ABLIM2: variants seen among roughly 807,000 people sequenced by gnomAD.
ABLIM2 encodes actin-binding LIM protein 2.
ABLIM2 carries 53 observed loss-of-function variants against 97.7 expected under a neutral mutation model. The ratio of observed to expected loss-of-function variants is 0.54; its 90% CI spans 0.44 to 0.68. The LOEUF is 0.68. Ranked by LOEUF, ABLIM2 falls within the 30% of genes least tolerant of loss-of-function variation. The pLI is 0.00. For synonymous variants in ABLIM2, 361 were observed against 345.8 expected (o/e 1.04, Z -0.49); for missense variants, 835 against 867.2 (o/e 0.96, Z 0.47).
At chr4:8,066,107 C>G (rs1807057218) in intron 6 of ABLIM2, among the ~76,000 whole-genome samples, 1 of 150,120 alleles carries the variant, frequency 6.7e-6, no homozygotes, top group Non-Finnish European at 1.5e-5. Context: ...GGAGACCATC[C>G]TGGCTAACAC....
intron 20 of ABLIM2, among the ~76,000 whole-genome samples, chr4:7,974,284 T>G (rs1245492179): frequency 7.4e-6 from 1 of 135,572 alleles, no homozygotes; most frequent in Non-Finnish European, 1.6e-5. Flanking sequence ...TCCACCCACC[T>G]GCCCACCTAC....
At chr4:8,106,375 G>T in intron 2 of ABLIM2, 119 bp downstream of exon 2, 1 of 1,341,796 alleles carries the variant, frequency 7.5e-7, no homozygotes, top group Non-Finnish European at 1.0e-6. Flanking sequence ...TTCTGTATCT[G>T]GAGTGTTCTC....
chr4:7,991,955 C>G (rs539833602), intron 17 of ABLIM2, among the ~76,000 whole-genome samples: 1 of 152,158 alleles, frequency 6.6e-6, no homozygotes, highest in African/African-American at 2.4e-5. Flanking sequence ...GCTGCTCCAG[C>G]GCAACAAAGA....
rs777818454 is a variant in ABLIM2 at position 8,009,063 on chromosome 4, T to A, written c.1463A>T (p.Gln488Leu). The A allele has an allele frequency of 1.2e-6, 2 of 1,613,918 alleles. No individual in the cohort carries two copies. The highest frequency in any genetic ancestry group is 1.7e-6 in the Non-Finnish European group (2 of 1,179,898). ...CCCTGGCATTACCTTCCTGTTATCC[T>A]GGTCCAAGCTTCCATCCTCCCCATC... ...RSDGEDGSLD[Q>L]DNRKQKSSWL... is the part of the protein sequence containing the mutation. The change falls in exon 15 of 21, where the codon CAG (glutamine) becomes CTG (leucine). Residue 488 changes from glutamine (Q) to leucine (L), a missense_variant. Transcript: ENST00000447017.
intron 1 of ABLIM2, among the ~76,000 whole-genome samples, chr4:8,146,364 G>C (rs910467337): frequency 2.0e-5 from 3 of 152,134 alleles, no homozygotes; most frequent in African/African-American, 4.8e-5. Context: ...CGTCACAACT[G>C]ATTTAACACA....
intron 20 of ABLIM2, 123 bp from the exon 21 acceptor site, chr4:7,967,226 G>T: frequency 1.3e-6 from 1 of 787,682 alleles, no homozygotes; most frequent in Non-Finnish European, 2.2e-6. Flanking sequence ...GTGGCCCTCA[G>T]CGTGCTCGGC....
intron 17 of ABLIM2, among the ~76,000 whole-genome samples, chr4:7,990,257 C>T (rs568195752): frequency 2.6e-5 from 4 of 152,070 alleles, no homozygotes; most frequent in East Asian, 3.9e-4. Flanking sequence ...TGGAGTGCAG[C>T]GGCATAATAG....
intron 14 of ABLIM2, among the ~76,000 whole-genome samples, chr4:8,016,917 C>G (rs956959370): frequency 1.3e-5 from 2 of 152,222 alleles, no homozygotes; most frequent in African/African-American, 4.8e-5. Context: ...TCTTCGGGTG[C>G]ATATATGGCT....
intron 1 of ABLIM2, among the ~76,000 whole-genome samples, chr4:8,114,516 C>T (rs1033259701): frequency 1.3e-5 from 2 of 152,186 alleles, no homozygotes; most frequent in Non-Finnish European, 2.9e-5. Flanking sequence ...CCTACTGCCC[C>T]GCCCAAGTGT....
At chr4:8,101,878 G>A (rs1454224916) in intron 2 of ABLIM2, among the ~76,000 whole-genome samples, 2 of 152,174 alleles carry the variant, frequency 1.3e-5, no homozygotes. Flanking sequence ...TTTATGTTCT[G>A]CATGTATTCC....
Position 8,020,285 on chromosome 4 carries a change from C to T in ABLIM2, c.1286G>A (p.Ser429Asn). 6.2e-7 allele frequency: 1 copy of T among 1,613,620 alleles called. No homozygotes were observed. The highest frequency in any genetic ancestry group is 8.5e-7 in the Non-Finnish European group (1 of 1,179,822). ...AGAGAGCACGGAGAGGCTGGGGGTG[C>T]TCCGGCCACTTTCACTGCCTCCAGA... The part of the protein sequence containing the change: ...PYFRGSESGR[S>N]TPSLSVLSDS... The change falls in exon 13 of 21, where the codon AGC becomes AAC. Residue 429 changes from serine to asparagine, a missense_variant. Physicochemically the swap from Ser to Asn is conservative, Grantham distance 46. Transcript: ENST00000447017.
Position 8,128,848 on chromosome 4 carries a change from G to A in ABLIM2, c.11-22211C>T, listed in dbSNP as rs183610108. On this transcript the variant is annotated intron_variant, in intron 1 of 20. Transcript: ENST00000447017. The surrounding 1 kb of genome is among the most constrained non-coding windows in gnomAD (Gnocchi z 4.9). ...CGCTCTTTCTACCACATGAGGGTGC[G>A]AGGAAAAGGCGGCTGTCTGCAGCTC... Among the ~76,000 whole-genome samples the A allele has an allele frequency of 4.6e-5, 7 of 152,300 alleles. No homozygotes were observed. Among genetic ancestry groups the A allele is most frequent in the South Asian group, 4.2e-4 (2 of 4,804 alleles).
In ABLIM2 at chr4:7,983,311, G is replaced by A; in HGVS notation, c.1777C>T (p.Arg593Ter). ...TCTTTGGGCAGTTTCACGCGAATTC[G>A]GTTTGTGACGATGAGGGAGTCATAC... ...YPYDSLIVTN[R>*]IRVKLPKDVD... Residue 593 changes from arginine (R) to a stop codon, truncating the protein, a stop_gained, in exon 20 of 21, where the codon CGA (arginine) becomes TGA (stop). Coordinates refer to ENST00000447017, the MANE Select transcript of ABLIM2 (RefSeq NM_001130083.2). LOFTEE classifies it high-confidence loss of function. 4 of 1,612,576 alleles carry A rather than the reference G, an allele frequency of 2.5e-6. No individual in the cohort carries two copies. The highest frequency in any genetic ancestry group is 3.4e-6 in the Non-Finnish European group (4 of 1,179,544).
In ABLIM2 at chr4:8,127,463, A is replaced by G. The variant is rs1157290999; in HGVS notation, c.11-20826T>C. 6 of 1,276,928 alleles carry G rather than the reference A, an allele frequency of 4.7e-6. No homozygotes were observed. The highest frequency in any genetic ancestry group is 2.3e-5 in the Admixed American group (1 of 43,266). 79.1% of individuals were successfully genotyped at this position (1,276,928 alleles called of 1,614,324 possible). A position where few individuals can be genotyped will look rare whatever the true frequency, so the allele number is the denominator to read the frequency against. On this transcript the variant is annotated intron_variant, in intron 1 of 20. Transcript: ENST00000447017. The surrounding 1 kb of genome is among the most constrained non-coding windows in gnomAD (Gnocchi z 7.3). ...CCTGAAGCTGATTCATGGAGCTCACAGCTCCCAGTCCCCTGAAGCTGACTC... is the reference window on the plus strand; with the variant it reads ...CCTGAAGCTGATTCATGGAGCTCACGGCTCCCAGTCCCCTGAAGCTGACTC...
At chr4:7,975,092 C>T (rs951894998) in intron 20 of ABLIM2, among the ~76,000 whole-genome samples, 6 of 152,052 alleles carry the variant, frequency 3.9e-5, no homozygotes, top group Non-Finnish European at 8.8e-5. Context: ...GTGGCACATG[C>T]CTGTAGTCCC....
Position 7,966,869 on chromosome 4 carries a change from C to A in ABLIM2, c.*121G>T. On this transcript the variant is annotated 3_prime_UTR_variant, in exon 21 of 21. Coordinates refer to ENST00000447017, the MANE Select transcript of ABLIM2 (RefSeq NM_001130083.2). ...GCCGCACCTGCTGGGGGACCCCCTC[C>A]CGCCCACCCCATGGACACAGAGAAG... 1 of 188,852 alleles carries A rather than the reference C, an allele frequency of 5.3e-6. No individual in the cohort carries two copies. The allele number at this position is 188,852 out of a possible 1,614,324, so 11.7% of individuals were successfully genotyped here.
rs995966924 is a variant in ABLIM2, at chr4:8,001,874, C to T, written c.1618+6185G>A. Among the ~76,000 whole-genome samples, 4 of 152,188 alleles carry T rather than the reference C, an allele frequency of 2.6e-5. No homozygotes were observed. Among genetic ancestry groups the T allele is most frequent in the Admixed American group, 1.3e-4 (2 of 15,282 alleles). On this transcript the variant is annotated intron_variant, in intron 16 of 20. Coordinates refer to ENST00000447017, the MANE Select transcript of ABLIM2 (RefSeq NM_001130083.2). The surrounding 1 kb of genome is among the most constrained non-coding windows in gnomAD (Gnocchi z 4.2). ...CCCACTTCCTCTGTGGAATCTCCTG[C>T]CCCCCGATGGCACCTTCCCACCTGC...
intron 16 of ABLIM2, among the ~76,000 whole-genome samples, chr4:8,006,261 C>T (rs1482701113): frequency 1.3e-5 from 2 of 152,212 alleles, no homozygotes; most frequent in Non-Finnish European, 2.9e-5. Flanking sequence ...TCTAGTCCGG[C>T]TTCTCCCACA....
rs989418091 is a variant in ABLIM2 at position 8,132,549 on chromosome 4, G to A, written c.11-25912C>T. ...GAGTGCTGGATGCCTCCGTGGGGAT[G>A]CTCCAGGCACCTCACGGTCAGAAAA... On this transcript the variant is annotated intron_variant, in intron 1 of 20. Coordinates refer to ENST00000447017, the MANE Select transcript of ABLIM2 (RefSeq NM_001130083.2). This position sits in a 1 kb window ranked among gnomAD's most constrained non-coding sequence, Gnocchi z 8.0. Among the ~76,000 whole-genome samples the A allele has an allele frequency of 6.6e-6, 1 of 152,180 alleles. No homozygotes were observed. The highest frequency in any genetic ancestry group is 2.4e-5 in the African/African-American group (1 of 41,444).
Sources: allele counts gnomAD v4.1 joint callset (sites outside exome capture counted in the v4.1 genomes callset), GRCh38; gene constraint gnomAD v4.1.1; non-coding constraint Gnocchi (gnomAD v3.1); transcripts MANE v1.5; gene names NCBI Gene and HGNC (gene_info 2026-07-23, HGNC 2026-07-21).